TADA1: variants seen among roughly 807,000 people sequenced by gnomAD.
TADA1 encodes the protein transcriptional adapter 1.
Under a neutral mutation model 39.3 loss-of-function variants are expected in TADA1, and 23 were observed. The observed-to-expected ratio is 0.58, with a 90% CI of 0.42 to 0.83. The LOEUF (loss-of-function observed/expected upper bound fraction) is 0.83, where lower values mean the gene tolerates loss of function less well. Ranked by LOEUF, TADA1 falls within the 40% of genes least tolerant of loss-of-function variation. The pLI, the probability that TADA1 is intolerant of heterozygous loss-of-function variation, is 0.00. For missense variants in TADA1, 352 were observed against 408.1 expected (o/e 0.86, Z 1.18); for synonymous variants, 137 against 151.8 (o/e 0.90, Z 0.72).
chr1:166,869,378 A>C, intron 3 of TADA1, 67 bp downstream of exon 3: 1 of 1,358,748 alleles, frequency 7.4e-7, no homozygotes, highest in Non-Finnish European at 1.0e-6. Flanking sequence ...AGCTGTGTCT[A>C]TTAGAGAAAG....
rs200494234 is a variant in TADA1 at position 166,867,996 on chromosome 1, TA to T, written c.232+1448del. Among the ~76,000 whole-genome samples the T allele has an allele frequency of 8.6e-3, 1,304 of 152,284 alleles. 13 individuals carry two copies. Among genetic ancestry groups the T allele is most frequent in the African/African-American group, 0.024 (1,003 of 41,552 alleles). On this transcript the variant is annotated intron_variant, in intron 3 of 7. Transcript: ENST00000367874. ...GATCATCAGAATCACCCTAAGCCCT[TA>T]AAAAAATTTCAATTTAATCTACAAC...
At position 166,873,347 on chromosome 1, in the gene TADA1, G is replaced by A. The variant is rs780605950; in HGVS notation, c.74+2813C>T. On this transcript the variant is annotated intron_variant, in intron 1 of 7. Coordinates refer to ENST00000367874, the MANE Select transcript of TADA1 (RefSeq NM_053053.4). ...AGAAATCAGGCACCTATTTGAACAT[G>A]GCATTCTACTGGCTACTATACAAAG... is the stretch of plus-strand genomic sequence containing the variant. Among the ~76,000 whole-genome samples, 50 of 152,256 alleles carry A rather than the reference G, an allele frequency of 3.3e-4. 1 individual carries two copies. Among genetic ancestry groups the A allele is most frequent in the African/African-American group, 1.1e-3 (44 of 41,536 alleles).
At chr1:166,861,593 TTAATC>T (rs781662417) in intron 5 of TADA1, among the ~76,000 whole-genome samples, 3 of 152,216 alleles carry the variant, frequency 2.0e-5, no homozygotes, top group Non-Finnish European at 2.9e-5. Context: ...ACAAGTGACT[TTAATC>T]TATAGGATTC....
At chr1:166,875,327 T>C (rs1158256729) in intron 1 of TADA1, among the ~76,000 whole-genome samples, 1 of 152,188 alleles carries the variant, frequency 6.6e-6, no homozygotes, top group Non-Finnish European at 1.5e-5. Context: ...CCCTTGGCCA[T>C]TCTGCACCTA....
chr1:166,874,473 T>C (rs77647645), intron 1 of TADA1, among the ~76,000 whole-genome samples: 2,275 of 152,174 alleles, frequency 0.015, 68 homozygotes, highest in African/African-American at 0.053. Flanking sequence ...TGAACATCAA[T>C]ATCGAAAGAC....
chr1:166,867,390 C>T (rs989344819), intron 3 of TADA1, among the ~76,000 whole-genome samples: 1 of 152,074 alleles, frequency 6.6e-6, no homozygotes, highest in African/African-American at 2.4e-5. Flanking sequence ...TGGCTAAAGT[C>T]TACTTGTATA....
chr1:166,875,870 G>A (rs1658753500), intron 1 of TADA1, among the ~76,000 whole-genome samples: 1 of 152,218 alleles, frequency 6.6e-6, no homozygotes, highest in Admixed American at 6.5e-5. Context: ...CACCTGCTCA[G>A]CAGGCCCTTG....
At chr1:166,873,361 T>C (rs565669891) in intron 1 of TADA1, among the ~76,000 whole-genome samples, 2 of 152,364 alleles carry the variant, frequency 1.3e-5, no homozygotes, top group South Asian at 4.1e-4. Context: ...TTCTACTGGC[T>C]ACTATACAAA....
At chr1:166,871,206 CT>C (rs1658650753) in intron 1 of TADA1, among the ~76,000 whole-genome samples, 1 of 152,096 alleles carries the variant, frequency 6.6e-6, no homozygotes, top group African/African-American at 2.4e-5. Flanking sequence ...ATGACTTAAC[CT>C]TTTACACTTT....
chr1:166,860,595 T>A (rs1658383826), intron 5 of TADA1, among the ~76,000 whole-genome samples: 1 of 152,254 alleles, frequency 6.6e-6, no homozygotes, highest in Non-Finnish European at 1.5e-5. Flanking sequence ...ACATGAAATT[T>A]GAAAAGTCTT....
intron 4 of TADA1, chr1:166,863,268 A>C (rs939832750): frequency 2.0e-5 from 3 of 153,110 alleles, no homozygotes; most frequent in Non-Finnish European, 2.9e-5. Context: ...GGTGAAAATA[A>C]ATAATTGTTT....
intron 3 of TADA1, 53 bp from the exon 4 acceptor site, chr1:166,863,974 G>T: frequency 1.4e-6 from 2 of 1,427,112 alleles, no homozygotes; most frequent in Non-Finnish European, 1.9e-6. Flanking sequence ...ACTGATAACT[G>T]CTAAGTTTGT....
At chr1:166,873,858 A>C (rs1420944971) in intron 1 of TADA1, among the ~76,000 whole-genome samples, 3 of 152,060 alleles carry the variant, frequency 2.0e-5, no homozygotes, top group Non-Finnish European at 4.4e-5. Flanking sequence ...CTTCAAAAAC[A>C]CTTTTGGCAG....
chr1:166,858,597 T>A (rs1403175485), intron 6 of TADA1, among the ~76,000 whole-genome samples: 1 of 151,606 alleles, frequency 6.6e-6, no homozygotes, highest in African/African-American at 2.4e-5. Flanking sequence ...AAGAGGGAGG[T>A]GAATGGTACT....
rs80267842 is a variant in TADA1 at position 166,870,227 on chromosome 1, A to G, written c.75-373T>C. Among the ~76,000 whole-genome samples the G allele has an allele frequency of 8.0e-3, 1,211 of 152,324 alleles. 28 individuals are homozygous for G. The highest frequency in any genetic ancestry group is 0.028 in the African/African-American group (1,168 of 41,580). ...CTATTTGGAGATTGGGCCTTTAAAT[A>G]GTAATTAAGATGAGGCCATTAGGGT... On this transcript the variant is annotated intron_variant, in intron 1 of 7. Coordinates refer to ENST00000367874, the MANE Select transcript of TADA1 (RefSeq NM_053053.4).
chr1:166,865,197 G>C (rs975073128), intron 3 of TADA1, among the ~76,000 whole-genome samples: 1 of 152,128 alleles, frequency 6.6e-6, no homozygotes, highest in African/African-American at 2.4e-5. Flanking sequence ...CATGAAACAA[G>C]ATGCTATTAA....
At position 166,869,525 on chromosome 1, in the gene TADA1, A is replaced by T; in HGVS notation, c.167-15T>A. 1.9e-6 allele frequency: 3 copies of T among 1,612,260 alleles called. No individual in the cohort carries two copies. Among genetic ancestry groups the T allele is most frequent in the Non-Finnish European group, 2.5e-6 (3 of 1,178,754 alleles). Reference sequence around the variant, plus strand: ...GTGAGAATGGACTGAAAAAGGAAAGATAGTGACAATCAAATTCAAAACATT... The same window carrying T: ...GTGAGAATGGACTGAAAAAGGAAAGTTAGTGACAATCAAATTCAAAACATT... On this transcript the variant is annotated splice_polypyrimidine_tract_variant and intron_variant, in intron 2 of 7. Coordinates refer to ENST00000367874, the MANE Select transcript of TADA1 (RefSeq NM_053053.4).
chr1:166,867,831 C>T (rs370121846), intron 3 of TADA1, among the ~76,000 whole-genome samples: 2 of 152,278 alleles, frequency 1.3e-5, no homozygotes, highest in African/African-American at 4.8e-5. Flanking sequence ...CCGCCCGCCT[C>T]AGCCTCCCAA....
Position 166,857,487 on chromosome 1 carries a change from C to G in TADA1, c.*80G>C. ...TTATATATACACTATACACTTCAGCCTTGAAATGTGGACCCAAAAAACATT... is the reference window on the plus strand; with the variant it reads ...TTATATATACACTATACACTTCAGCGTTGAAATGTGGACCCAAAAAACATT... On this transcript the variant is annotated 3_prime_UTR_variant, in exon 8 of 8. Coordinates refer to ENST00000367874, the MANE Select transcript of TADA1 (RefSeq NM_053053.4). 1 of 1,527,108 alleles carries G rather than the reference C, an allele frequency of 6.5e-7. No individual in the cohort carries two copies. Among genetic ancestry groups the G allele is most frequent in the Non-Finnish European group, 9.0e-7 (1 of 1,116,062 alleles). The allele number at this position is 1,527,108 out of a possible 1,614,324, so 94.6% of individuals were successfully genotyped here. A position where few individuals can be genotyped will look rare whatever the true frequency, so the allele number is the denominator to read the frequency against.
Sources: gnomAD v4.1 joint callset for allele counts (sites outside exome capture counted in the v4.1 genomes callset) on GRCh38, gnomAD v4.1.1 for gene constraint, MANE v1.5 for transcripts, NCBI Gene and HGNC (gene_info 2026-07-23, HGNC 2026-07-21) for gene names.